Variants in ANTXRL observed in about 807,000 individuals in gnomAD.
ANTXRL encodes ANTXR like.
Under a neutral mutation model 75.4 loss-of-function variants are expected in ANTXRL, and 63 were observed. The ratio of observed to expected loss-of-function variants is 0.84; its 90% CI spans 0.68 to 1.03. ANTXRL has a LOEUF of 1.03. Among genes scored for constraint, ANTXRL ranks in the 50% least tolerant of loss-of-function variants. ANTXRL has a pLI of 0.00. For synonymous variants in ANTXRL, 335 were observed against 291.3 expected, an observed-to-expected ratio of 1.15 and a Z score of -1.53; for missense variants, 797 against 789.4, an observed-to-expected ratio of 1.01 and a Z score of -0.12.
rs548866725 is a variant in ANTXRL at position 46,312,442 on chromosome 10, G to A, written c.1329+777G>A. 6.5e-4 allele frequency among the ~76,000 whole-genome samples: 96 copies of A among 147,178 alleles called. 13 individuals are homozygous for A. Among genetic ancestry groups the A allele is most frequent in the South Asian group, 1.1e-3 (5 of 4,506 alleles). Reference sequence around the variant, plus strand: ...GGTAGAGAGGGCGCCTGGGTGGCTGGTGTTGAGGGAGAGGGACCCCAGAGT... The same window carrying A: ...GGTAGAGAGGGCGCCTGGGTGGCTGATGTTGAGGGAGAGGGACCCCAGAGT... On this transcript the variant is annotated intron_variant, in intron 15 of 16. Transcript: ENST00000620264.
intron 16 of ANTXRL, among the ~76,000 whole-genome samples, chr10:46,328,962 C>T (rs540119038): frequency 3.9e-5 from 6 of 152,064 alleles, no homozygotes; most frequent in African/African-American, 9.7e-5. Context: ...AGGGTTGCCC[C>T]GATCATGAGC....
chr10:46,308,993 T>G (rs1838263347), intron 12 of ANTXRL, 120 bp from the exon 13 acceptor site: 1 of 1,379,822 alleles, frequency 7.2e-7, no homozygotes, highest in Non-Finnish European at 9.8e-7. Flanking sequence ...CTGGCCCCAC[T>G]GTAGTACCCG....
chr10:46,311,444 A>G (rs1838415727), intron 14 of ANTXRL, 66 bp from the exon 15 acceptor site: 2 of 1,447,238 alleles, frequency 1.4e-6, no homozygotes, highest in Non-Finnish European at 1.8e-6. Context: ...CCAGACACAC[A>G]TCTGGGAGTG....
chr10:46,287,379 A>G lies in ANTXRL; in HGVS notation c.117A>G (p.Ile39Met), dbSNP rs1554955500. 6.5e-7 allele frequency: 1 copy of G among 1,535,850 alleles called. No homozygotes were observed. The highest frequency in any genetic ancestry group is 8.7e-7 in the Non-Finnish European group (1 of 1,146,738). ...GGTACCATGGACCTGACTGGAGAAT[A>G]TTTCACCGCCTGGCCCTGGGCTCCA... ...SLRYHGPDWR[I>M]FHRLALGSRR... The change falls in exon 1 of 17, where the codon ATA (isoleucine) becomes ATG (methionine). Residue 39 changes from isoleucine to methionine, a missense_variant. Physicochemically the swap from Ile to Met is conservative, Grantham distance 10 (BLOSUM62 1). Coordinates refer to ENST00000620264, the MANE Select transcript of ANTXRL (RefSeq NM_001278688.3).
Position 46,288,045 on chromosome 10 carries a change from A to G in ANTXRL, c.248+535A>G, listed in dbSNP as rs532304586. On this transcript the variant is annotated intron_variant, in intron 1 of 16. Transcript: ENST00000620264. ...TGGAGAGCCACGCGATAGTTCCTAC[A>G]CTTTCAGAACAGTTTGGTCTGTTTC... is the stretch of plus-strand genomic sequence containing the variant. Among the ~76,000 whole-genome samples, 3 of 152,052 alleles carry G rather than the reference A, an allele frequency of 2.0e-5. No individual in the cohort carries two copies. The East Asian group carries it at 5.8e-4, about 29-fold the overall frequency.
At chr10:46,317,518 C>T (rs78779193) in intron 16 of ANTXRL, among the ~76,000 whole-genome samples, 1 of 152,086 alleles carries the variant, frequency 6.6e-6, no homozygotes, top group Non-Finnish European at 1.5e-5. Context: ...GCCATATGCC[C>T]GTGGAGGGCA....
chr10:46,318,753 T>C (rs1048308363), intron 16 of ANTXRL, among the ~76,000 whole-genome samples: 1 of 152,116 alleles, frequency 6.6e-6, no homozygotes, highest in African/African-American at 2.4e-5. Context: ...TGTTTAAGGA[T>C]TGTTTAACAT....
intron 16 of ANTXRL, among the ~76,000 whole-genome samples, chr10:46,314,413 G>T (rs1554964298): frequency 6.6e-6 from 1 of 152,068 alleles, no homozygotes; most frequent in East Asian, 1.9e-4. Context: ...CATGGCACTA[G>T]TCCAGCCTTA....
chr10:46,294,227 G>T (rs1309076732), intron 3 of ANTXRL: 3 of 380,688 alleles, frequency 7.9e-6, no homozygotes, highest in Admixed American at 4.4e-5. Context: ...GCAGGGCGGG[G>T]GTGTGTGTCC....
At chr10:46,293,388 G>GCA (rs1554957281) in intron 2 of ANTXRL, among the ~76,000 whole-genome samples, 1 of 102,898 alleles carries the variant, frequency 9.7e-6, no homozygotes, top group African/African-American at 3.2e-5. Flanking sequence ...GTGAGTGTGT[G>GCA]CCTGTGTGTG....
intron 12 of ANTXRL, 108 bp from the exon 13 acceptor site, chr10:46,309,005 A>T: frequency 6.8e-7 from 1 of 1,461,684 alleles, no homozygotes; most frequent in South Asian, 1.3e-5. Context: ...TAGTACCCGG[A>T]TGCGGGGCCA....
In ANTXRL at chr10:46,293,865, A is replaced by G. The variant is rs1554957634; in HGVS notation, c.357A>G (p.Thr119=). 2 of 1,535,614 alleles carry G rather than the reference A, an allele frequency of 1.3e-6. No homozygotes were observed. Among genetic ancestry groups the G allele is most frequent in the East Asian group, 2.4e-5 (1 of 40,920 alleles). ...GGATGTGCTTCATCACCTACTCCACAGACGGCCAGACTGTCTTGCCACTCA... is the reference window on the plus strand; with the variant it reads ...GGATGTGCTTCATCACCTACTCCACGGACGGCCAGACTGTCTTGCCACTCA... ...NIRMCFITYS[T]DGQTVLPLTS... The change falls in exon 3 of 17, where the codon ACA becomes ACG. Residue 119 remains threonine, a synonymous_variant. Coordinates refer to ENST00000620264, the MANE Select transcript of ANTXRL (RefSeq NM_001278688.3).
At chr10:46,327,961 A>C (rs1554966818) in intron 16 of ANTXRL, among the ~76,000 whole-genome samples, 1 of 152,132 alleles carries the variant, frequency 6.6e-6, no homozygotes, top group Non-Finnish European at 1.5e-5. Flanking sequence ...GGTCGAGGCA[A>C]AGTAGCATAT....
At position 46,302,733 on chromosome 10, in the gene ANTXRL, G is replaced by A; in HGVS notation, c.808G>A (p.Val270Met). 1 of 1,535,922 alleles carries A rather than the reference G, an allele frequency of 6.5e-7. No individual in the cohort carries two copies. The highest frequency in any genetic ancestry group is 1.2e-5 in the South Asian group (1 of 84,036). The change falls in exon 10 of 17, where the codon GTG becomes ATG. Residue 270 changes from valine (V) to methionine (M), a missense_variant. This residue lies in a region of ANTXRL where 56 missense variants were observed against 95.5 expected (regional missense o/e 0.59). Coordinates refer to ENST00000620264, the MANE Select transcript of ANTXRL (RefSeq NM_001278688.3). ...TGTTGTCCTTGCAGAACCCTACCAT[G>A]TGGTTATTCATGGAAATGGCTTTCA... is the stretch of plus-strand genomic sequence containing the variant. ...SSECVGEPYH[V>M]VIHGNGFQNL...
chr10:46,322,901 G>A (rs1169133457), intron 16 of ANTXRL, among the ~76,000 whole-genome samples: 2 of 152,126 alleles, frequency 1.3e-5, no homozygotes, highest in Admixed American at 1.3e-4. Context: ...ATACCTTCTA[G>A]AGCATTCCTT....
intron 9 of ANTXRL, among the ~76,000 whole-genome samples, chr10:46,298,926 G>C (rs566548835): frequency 1.6e-4 from 24 of 151,796 alleles, no homozygotes; most frequent in Admixed American, 1.4e-3. Flanking sequence ...GTGTCTATTG[G>C]TGTGGGGGCA....
At chr10:46,322,705 G>A (rs568681016) in intron 16 of ANTXRL, among the ~76,000 whole-genome samples, 1 of 152,256 alleles carries the variant, frequency 6.6e-6, no homozygotes. Flanking sequence ...AGCCATCTGA[G>A]CCCTCTGTGA....
intron 3 of ANTXRL, among the ~76,000 whole-genome samples, chr10:46,295,340 C>T (rs1268975155): frequency 6.6e-6 from 1 of 152,172 alleles, no homozygotes; most frequent in Non-Finnish European, 1.5e-5. Context: ...CCCAACACAA[C>T]AGCGTCCTTG....
chr10:46,311,108 G>C (rs1403270302), intron 14 of ANTXRL, among the ~76,000 whole-genome samples: 1 of 152,098 alleles, frequency 6.6e-6, no homozygotes, highest in Non-Finnish European at 1.5e-5. Context: ...GTGAGTAGCT[G>C]AGGCAGGAGG....
Sources: gnomAD v4.1 joint callset for allele counts (sites outside exome capture counted in the v4.1 genomes callset) on GRCh38, gnomAD v4.1.1 for gene constraint, gnomAD v4.1.1 regional missense constraint, MANE v1.5 for transcripts, NCBI Gene and HGNC (gene_info 2026-07-23, HGNC 2026-07-21) for gene names.